Variants in NFIA observed in about 807,000 individuals in gnomAD.
The protein encoded by NFIA is nuclear factor I A, also known as nuclear factor 1 A-type.
NFIA carries 8 observed loss-of-function variants against 62.8 expected under a neutral mutation model. That is an observed-to-expected ratio of 0.13 (90% CI 0.07 to 0.23). The LOEUF (loss-of-function observed/expected upper bound fraction) is 0.23, where lower values mean the gene tolerates loss of function less well. Ranked by LOEUF, NFIA falls within the 10% of genes least tolerant of loss-of-function variation. The probability of loss-of-function intolerance (pLI) is 1.00; values close to 1 mark genes in which losing one functional copy is unlikely to be tolerated. For missense variants in NFIA, 410 were observed against 642.1 expected (o/e 0.64, Z 3.91); for synonymous variants, 235 against 238.1 (o/e 0.99, Z 0.12).
At chr1:61,327,224 TA>T (rs1424183008) in intron 3 of NFIA, among the ~76,000 whole-genome samples, 2 of 151,098 alleles carry the variant, frequency 1.3e-5, no homozygotes, top group Non-Finnish European at 2.9e-5. Context: ...GTCAAAGTTT[TA>T]CAGTATATAT....
At chr1:61,280,997 A>T (rs772369640) in intron 3 of NFIA, among the ~76,000 whole-genome samples, 18 of 152,154 alleles carry the variant, frequency 1.2e-4, no homozygotes, top group Admixed American at 2.0e-4. Flanking sequence ...TAATCCCAGC[A>T]CTTTGGGAGG....
chr1:61,219,852 A>G (rs993076618), intron 2 of NFIA, among the ~76,000 whole-genome samples: 5 of 152,090 alleles, frequency 3.3e-5, no homozygotes, highest in South Asian at 4.2e-4. Flanking sequence ...AGTCCCAGCT[A>G]CTCAGGAGGC....
intron 2 of NFIA, among the ~76,000 whole-genome samples, chr1:61,237,838 GA>G (rs1222035588): frequency 6.6e-6 from 1 of 152,202 alleles, no homozygotes; most frequent in Non-Finnish European, 1.5e-5. Flanking sequence ...TGGGGAATAT[GA>G]GACTTAATTA....
chr1:61,276,720 A>C (rs1278819565), intron 2 of NFIA, among the ~76,000 whole-genome samples: 1 of 152,118 alleles, frequency 6.6e-6, no homozygotes, highest in Non-Finnish European at 1.5e-5. Flanking sequence ...AATTTTATCT[A>C]ATTTAAAAAT....
At chr1:61,433,251 A>C (rs2100563572) in intron 10 of NFIA, among the ~76,000 whole-genome samples, 1 of 152,318 alleles carries the variant, frequency 6.6e-6, no homozygotes, top group South Asian at 2.1e-4. Flanking sequence ...TGTAAAACCA[A>C]GACTGAATTC....
intron 10 of NFIA, among the ~76,000 whole-genome samples, chr1:61,428,448 T>C (rs560385378): frequency 4.6e-5 from 7 of 151,908 alleles, no homozygotes; most frequent in Admixed American, 1.3e-4. Context: ...CTTAAATGTT[T>C]CTTACCATAG....
Position 61,455,482 on chromosome 1 carries a change from G to T in NFIA, c.*162G>T. The T allele has an allele frequency of 2.6e-6, 3 of 1,151,654 alleles. No homozygotes were observed. The highest frequency in any genetic ancestry group is 2.8e-5 in the South Asian group (2 of 71,208). The allele number at this position is 1,151,654 out of a possible 1,614,324, so 71.3% of individuals were successfully genotyped here. On this transcript the variant is annotated 3_prime_UTR_variant, in exon 11 of 11. Coordinates refer to ENST00000403491, the MANE Select transcript of NFIA (RefSeq NM_001134673.4). ...TGTACATGGAAACAGCAAGCATTATGGTCAAACAGCAAAGGCCATAACCTT... is the reference window on the plus strand; with the variant it reads ...TGTACATGGAAACAGCAAGCATTATTGTCAAACAGCAAAGGCCATAACCTT...
intron 9 of NFIA, among the ~76,000 whole-genome samples, chr1:61,407,881 T>A (rs1665924673): frequency 6.6e-6 from 1 of 152,156 alleles, no homozygotes; most frequent in South Asian, 2.1e-4. Flanking sequence ...TCTGGATGAA[T>A]GCGGTGAATG....
Position 61,462,645 on chromosome 1 carries a change from G to GT in NFIA, c.*7331dup, listed in dbSNP as rs1468850069. ...TTCTTATTCAACTAAATCTCCACAG[G>GT]TTTTTTGAGCTGGTGTGGATTAGTT... On this transcript the variant is annotated 3_prime_UTR_variant, in exon 11 of 11. Transcript: ENST00000403491. 2 of 152,164 alleles carry GT rather than the reference G, an allele frequency of 1.3e-5. No individual in the cohort carries two copies. Among genetic ancestry groups the GT allele is most frequent in the East Asian group, 1.9e-4 (1 of 5,206 alleles). The allele number at this position is 152,164 out of a possible 1,614,324, so 9.4% of individuals were successfully genotyped here.
rs1656826283 is a variant in NFIA at position 61,262,491 on chromosome 1, G to C, written c.560-15029G>C. Among the ~76,000 whole-genome samples, 4 of 152,134 alleles carry C rather than the reference G, an allele frequency of 2.6e-5. No individual in the cohort carries two copies. In the South Asian group the frequency reaches 8.3e-4, roughly 32 times the overall value. The stretch of plus-strand genomic sequence containing the variant: ...CAACGAGGCAGCATTAAAACAAAAG[G>C]CATGTTGATTTTAAGGCCAACTGGA... On this transcript the variant is annotated intron_variant, in intron 2 of 10. Transcript: ENST00000403491.
At chr1:61,351,804 C>T (rs985020613) in intron 4 of NFIA, among the ~76,000 whole-genome samples, 3 of 152,170 alleles carry the variant, frequency 2.0e-5, no homozygotes, top group Non-Finnish European at 4.4e-5. Flanking sequence ...TGCAGCTACT[C>T]GTCTCTGATG....
At chr1:61,187,661 T>C (rs1375882312) in intron 2 of NFIA, among the ~76,000 whole-genome samples, 1 of 152,060 alleles carries the variant, frequency 6.6e-6, no homozygotes, top group Non-Finnish European at 1.5e-5. Context: ...GCAGCAGGAG[T>C]AGAGAAGTAT....
chr1:61,185,708 G>C (rs889200889), intron 2 of NFIA, among the ~76,000 whole-genome samples: 1 of 144,990 alleles, frequency 6.9e-6, no homozygotes, highest in African/African-American at 2.6e-5. Flanking sequence ...TCAGTTTTCA[G>C]AACCTGCCAT....
At chr1:61,282,766 T>C (rs1245990650) in intron 3 of NFIA, among the ~76,000 whole-genome samples, 4 of 152,208 alleles carry the variant, frequency 2.6e-5, no homozygotes, top group African/African-American at 9.6e-5. Flanking sequence ...CCTGGTTATT[T>C]TTCCCTTCTA....
intron 9 of NFIA, among the ~76,000 whole-genome samples, chr1:61,426,051 G>A (rs1666850265): frequency 6.6e-6 from 1 of 152,150 alleles, no homozygotes; most frequent in Non-Finnish European, 1.5e-5. Flanking sequence ...GTGTAACGGT[G>A]TGAAAAGCAA....
chr1:61,386,755 G>T (rs1664706960), intron 7 of NFIA, among the ~76,000 whole-genome samples: 1 of 152,210 alleles, frequency 6.6e-6, no homozygotes, highest in Non-Finnish European at 1.5e-5. Context: ...GGCGTTGAAG[G>T]GAGGTAGCGT....
At chr1:61,078,611 AAC>A (rs1406893171), upstream of NFIA, among the ~76,000 whole-genome samples, 1 of 152,240 alleles carries the variant, frequency 6.6e-6, no homozygotes, top group Non-Finnish European at 1.5e-5. Flanking sequence ...AACTCTAAAC[AAC>A]AGTTTTAAAG....
chr1:61,142,587 A>C (rs925106154), intron 2 of NFIA, among the ~76,000 whole-genome samples: 1 of 152,312 alleles, frequency 6.6e-6, no homozygotes, highest in South Asian at 2.1e-4. Context: ...AGTCTTTTAC[A>C]TTATGAATGA....
At chr1:61,406,763 A>G in intron 9 of NFIA, 36 bp downstream of exon 9, 1 of 1,552,452 alleles carries the variant, frequency 6.4e-7, no homozygotes, top group Non-Finnish European at 8.7e-7. Context: ...GGTCACTTCT[A>G]AAGCTGTATG....
Sources: allele counts gnomAD v4.1 joint callset (sites outside exome capture counted in the v4.1 genomes callset), GRCh38; gene constraint gnomAD v4.1.1; transcripts MANE v1.5; gene names NCBI Gene and HGNC (gene_info 2026-07-23, HGNC 2026-07-21).